Variants in MAK observed in about 807,000 individuals in gnomAD.
MAK encodes the protein male germ cell associated kinase.
MAK carries 65 observed loss-of-function variants against 82.6 expected under a neutral mutation model. That is an observed-to-expected ratio of 0.79 (90% CI 0.64 to 0.97). The LOEUF (loss-of-function observed/expected upper bound fraction) is 0.97. MAK is among the 50% of genes least tolerant of loss of function. The pLI is 0.00. For missense variants in MAK, 703 were observed against 780.2 expected (o/e 0.90, Z 1.18); for synonymous variants, 250 against 274.2 (o/e 0.91, Z 0.87).
At chr6:10,815,805 C>G (rs1319937568) in intron 4 of MAK, among the ~76,000 whole-genome samples, 1 of 151,296 alleles carries the variant, frequency 6.6e-6, no homozygotes, top group Admixed American at 6.6e-5. Flanking sequence ...TTTTCAAAAT[C>G]TGATGTGCAA....
In MAK at chr6:10,801,999, C is replaced by T. The variant is rs1420826552; in HGVS notation, c.724G>A (p.Val242Ile). The change falls in exon 8 of 15, where the codon GTT becomes ATT. Residue 242 changes from valine to isoleucine, a missense_variant. Coordinates refer to ENST00000354489, the MANE Select transcript of MAK (RefSeq NM_001242957.3). Reference sequence around the variant, plus strand: ...ATAAGAGTTTTTAAGTTTATAGGAACACACTGGGGAAAACGGAAGTTCATA... The same window carrying T: ...ATAAGAGTTTTTAAGTTTATAGGAATACACTGGGGAAAACGGAAGTTCATA... ...SSMNFRFPQC[V>I]PINLKTLIPN... The T allele has an allele frequency of 6.2e-7, 1 of 1,614,024 alleles. No homozygotes were observed. Among genetic ancestry groups the T allele is most frequent in the Admixed American group, 1.7e-5 (1 of 60,008 alleles).
intron 4 of MAK, 100 bp downstream of exon 4, chr6:10,817,750 T>G (rs953308314): frequency 3.1e-5 from 31 of 1,012,464 alleles, no homozygotes; most frequent in Non-Finnish European, 3.9e-5. Context: ...AAATTTACCT[T>G]TTGGAGCAAT....
rs61702794 is a variant in MAK, at chr6:10,826,834, G to A, written c.101+3714C>T. On this transcript the variant is annotated intron_variant, in intron 2 of 14. Coordinates refer to ENST00000354489, the MANE Select transcript of MAK (RefSeq NM_001242957.3). ...CCCAATTAAAAGAGTACAGTAGGCC[G>A]GGCACGGTGGCTCACGCCTGTAATC... is the stretch of plus-strand genomic sequence containing the variant. Among the ~76,000 whole-genome samples, 18 of 152,270 alleles carry A rather than the reference G, an allele frequency of 1.2e-4. No individual in the cohort carries two copies. In the East Asian group the frequency reaches 2.9e-3, roughly 25 times the overall value.
chr6:10,830,783 TTAAA>T lies in MAK; in HGVS notation c.-139_-136del. On this transcript the variant is annotated 5_prime_UTR_variant, in exon 2 of 15. It introduces an in-frame stop codon into an upstream open reading frame of the 5' UTR. Coordinates refer to ENST00000354489, the MANE Select transcript of MAK (RefSeq NM_001242957.3). ...TACACTGGTGACAGGTTTGTCATCA[TTAAA>T]TATAGTCTCTCCCCCAAGATTACAG... 1 of 723,722 alleles carries T rather than the reference TTAAA, an allele frequency of 1.4e-6. No individual in the cohort carries two copies. The highest frequency in any genetic ancestry group is 2.5e-6 in the Non-Finnish European group (1 of 399,768). 44.8% of individuals were successfully genotyped at this position (723,722 alleles called of 1,614,324 possible). A position where few individuals can be genotyped will look rare whatever the true frequency, so the allele number is the denominator to read the frequency against.
intron 11 of MAK, among the ~76,000 whole-genome samples, chr6:10,781,388 G>A (rs1477690185): frequency 1.3e-5 from 2 of 151,508 alleles, no homozygotes; most frequent in Non-Finnish European, 2.9e-5. Flanking sequence ...GACCTCGTGA[G>A]GAAGAAAATA....
chr6:10,818,827 C>CT, intron 3 of MAK, 59 bp downstream of exon 3: 1 of 889,750 alleles, frequency 1.1e-6, no homozygotes, highest in East Asian at 2.4e-5. Flanking sequence ...ATCATCTTAA[C>CT]TACGGTCCTC....
In MAK at chr6:10,775,321, G is replaced by A. The variant is rs1293239802; in HGVS notation, c.1597+7C>T. On this transcript the variant is annotated splice_region_variant and intron_variant, in intron 12 of 14. Coordinates refer to ENST00000354489, the MANE Select transcript of MAK (RefSeq NM_001242957.3). The stretch of plus-strand genomic sequence containing the variant: ...CCGTACATGTACATTTTGTATTCTT[G>A]CGTTACCTGCATTGCTCCTTTTGAA... 2 of 1,612,570 alleles carry A rather than the reference G, an allele frequency of 1.2e-6. No homozygotes were observed. Among genetic ancestry groups the A allele is most frequent in the Non-Finnish European group, 1.7e-6 (2 of 1,179,042 alleles).
chr6:10,775,672 T>C (rs748749019), intron 11 of MAK, among the ~76,000 whole-genome samples: 4 of 152,228 alleles, frequency 2.6e-5, no homozygotes, highest in East Asian at 1.9e-4. Flanking sequence ...CAGTGTACTT[T>C]ATAGGCAGAA....
chr6:10,799,758 C>G (rs1340102181), intron 8 of MAK, among the ~76,000 whole-genome samples: 1 of 152,202 alleles, frequency 6.6e-6, no homozygotes, highest in African/African-American at 2.4e-5. Context: ...TGGTAAAACT[C>G]CGTCTCTGGC....
intron 14 of MAK, among the ~76,000 whole-genome samples, chr6:10,769,114 G>A (rs557746365): frequency 5.3e-5 from 8 of 152,164 alleles, no homozygotes; most frequent in Middle Eastern, 3.4e-3. Flanking sequence ...CTCAGAAGGC[G>A]GAGGCAGGAG....
intron 13 of MAK, among the ~76,000 whole-genome samples, chr6:10,770,907 T>G (rs1772950138): frequency 6.6e-6 from 1 of 151,922 alleles, no homozygotes. Flanking sequence ...ACCACAGCAG[T>G]GGCAGAGGGT....
chr6:10,794,270 C>T (rs1340686016), intron 9 of MAK, among the ~76,000 whole-genome samples: 1 of 152,166 alleles, frequency 6.6e-6, no homozygotes, highest in Admixed American at 6.5e-5. Context: ...GTCATGTGGG[C>T]AATTATTCAT....
At chr6:10,826,191 C>T (rs984316964) in intron 2 of MAK, among the ~76,000 whole-genome samples, 3 of 152,146 alleles carry the variant, frequency 2.0e-5, no homozygotes, top group Non-Finnish European at 2.9e-5. Context: ...CACTCTCTCT[C>T]GCCTCCAGGG....
intron 10 of MAK, among the ~76,000 whole-genome samples, chr6:10,786,656 A>G (rs879945423): frequency 3.8e-5 from 4 of 104,208 alleles, no homozygotes; most frequent in Admixed American, 1.8e-4. Context: ...TCACCACTCC[A>G]CTAATTCACC....
At chr6:10,786,452 G>A (rs865872355) in intron 10 of MAK, among the ~76,000 whole-genome samples, 1 of 120,650 alleles carries the variant, frequency 8.3e-6, no homozygotes, top group Admixed American at 7.8e-5. Context: ...CTCCACTAAT[G>A]CACCAGTTCA....
Position 10,833,233 on chromosome 6 carries a change from A to G in MAK, c.-229-2356T>C, listed in dbSNP as rs749644802. ...ACATAAACGTGCAGAGCAGCACAGT[A>G]AAGTTATGTTGTTTCCTATTTACAG... is the stretch of plus-strand genomic sequence containing the variant. On this transcript the variant is annotated intron_variant, in intron 1 of 14. Transcript: ENST00000354489. Among the ~76,000 whole-genome samples, 73 of 152,348 alleles carry G rather than the reference A, an allele frequency of 4.8e-4. 1 individual carries two copies. The highest frequency in any genetic ancestry group is 1.4e-3 in the South Asian group (7 of 4,830).
chr6:10,811,739 T>C (rs1217208093), intron 5 of MAK, among the ~76,000 whole-genome samples: 5 of 152,190 alleles, frequency 3.3e-5, no homozygotes, highest in Non-Finnish European at 5.9e-5. Flanking sequence ...AGTTTACATA[T>C]GGTGCAAATA....
chr6:10,784,565 C>T lies in MAK; in HGVS notation c.1324G>A (p.Glu442Lys). ...RKKDSPFRLP[E>K]PVPSGSNHST... ...TGGTTGGAGCCTGAGGGTACTGGCTCTGGAAGCCTTGAAAGCCAATGAAAG... is the reference window on the plus strand; with the variant it reads ...TGGTTGGAGCCTGAGGGTACTGGCTTTGGAAGCCTTGAAAGCCAATGAAAG... The change falls in exon 11 of 15, where the codon GAG becomes AAG. Residue 442 changes from glutamate (E) to lysine (K), a missense_variant. Physicochemically the swap from Glu to Lys is moderately conservative, Grantham distance 56. Transcript: ENST00000354489. 1 of 1,613,970 alleles carries T rather than the reference C, an allele frequency of 6.2e-7. No homozygotes were observed. The highest frequency in any genetic ancestry group is 8.5e-7 in the Non-Finnish European group (1 of 1,179,998).
chr6:10,770,484 G>A (rs1772902687), intron 13 of MAK, among the ~76,000 whole-genome samples: 1 of 152,154 alleles, frequency 6.6e-6, no homozygotes, highest in African/African-American at 2.4e-5. Flanking sequence ...GTAAGAGACT[G>A]AGCTGGGGTC....
Sources: allele counts gnomAD v4.1 joint callset (sites outside exome capture counted in the v4.1 genomes callset), GRCh38; gene constraint gnomAD v4.1.1; transcripts MANE v1.5; gene names NCBI Gene and HGNC (gene_info 2026-07-23, HGNC 2026-07-21).